Variants in MARCHF1 observed in about 807,000 individuals in gnomAD.
MARCHF1 encodes membrane associated ring-CH-type finger 1.
MARCHF1 carries 40 observed loss-of-function variants against 54.2 expected under a neutral mutation model. The observed-to-expected ratio is 0.74, with a 90% confidence interval of 0.57 to 0.96. The LOEUF (loss-of-function observed/expected upper bound fraction) is 0.96, where lower values mean the gene tolerates loss of function less well. MARCHF1 is among the 40% of genes least tolerant of loss of function. MARCHF1 has a pLI of 0.00. For synonymous variants in MARCHF1, 236 were observed against 236.3 expected (o/e 1.00, Z 0.01); for missense variants, 586 against 656.5 (o/e 0.89, Z 1.17).
At chr4:164,360,767 A>AT (rs1315938269) in intron 1 of MARCHF1, among the ~76,000 whole-genome samples, 1 of 152,176 alleles carries the variant, frequency 6.6e-6, no homozygotes, top group African/African-American at 2.4e-5. Flanking sequence ...TGCAATTGTC[A>AT]TTTTCATATA....
At chr4:164,213,560 C>T (rs913708148) in intron 1 of MARCHF1, among the ~76,000 whole-genome samples, 10 of 151,856 alleles carry the variant, frequency 6.6e-5, no homozygotes, top group East Asian at 5.8e-4. Context: ...AAAAATTCTA[C>T]GTAACACATT....
In MARCHF1 at chr4:164,059,859, T is replaced by C. The variant is rs551491627; in HGVS notation, c.-248+51729A>G. ...TTAGATTTCATCTTAATATGTTTCA[T>C]AAAGGTAGATAAAATTGAGAAAACA... On this transcript the variant is annotated intron_variant, in intron 2 of 9. Coordinates refer to ENST00000514618, the MANE Select transcript of MARCHF1 (RefSeq NM_001394959.1). Among the ~76,000 whole-genome samples, 163 of 152,268 alleles carry C rather than the reference T, an allele frequency of 1.1e-3. 1 individual carries two copies. Among genetic ancestry groups the C allele is most frequent in the Non-Finnish European group, 1.7e-3 (114 of 67,990 alleles).
chr4:164,018,756 T>A (rs1753599947), intron 2 of MARCHF1, among the ~76,000 whole-genome samples: 1 of 152,214 alleles, frequency 6.6e-6, no homozygotes, highest in Admixed American at 6.5e-5. Flanking sequence ...CTTTTATTGC[T>A]ACTTTTGCTT....
At chr4:163,806,443 C>T (rs1222272175) in intron 4 of MARCHF1, among the ~76,000 whole-genome samples, 7 of 152,138 alleles carry the variant, frequency 4.6e-5, no homozygotes, top group African/African-American at 7.2e-5. Context: ...TTGTTAATTG[C>T]GGGAATCTTA....
intron 2 of MARCHF1, among the ~76,000 whole-genome samples, chr4:164,098,185 A>G (rs758830601): frequency 4.3e-4 from 66 of 152,314 alleles, no homozygotes; most frequent in Non-Finnish European, 7.6e-4. Context: ...TCAGATTATC[A>G]TAAGATAATC....
At chr4:164,180,416 T>C (rs964677076) in intron 1 of MARCHF1, among the ~76,000 whole-genome samples, 2 of 152,182 alleles carry the variant, frequency 1.3e-5, no homozygotes, top group Admixed American at 6.5e-5. Context: ...TGCTACCTAA[T>C]AGTATTCTAG....
At chr4:164,029,705 A>G (rs1579473678) in intron 2 of MARCHF1, among the ~76,000 whole-genome samples, 1 of 151,906 alleles carries the variant, frequency 6.6e-6, no homozygotes, top group Non-Finnish European at 1.5e-5. Flanking sequence ...AGCGATTCTC[A>G]TGCCTCAGCC....
intron 5 of MARCHF1, among the ~76,000 whole-genome samples, chr4:163,616,872 A>G (rs905906284): frequency 1.8e-4 from 27 of 152,132 alleles, no homozygotes; most frequent in Non-Finnish European, 3.8e-4. Context: ...ATCTAAAAAT[A>G]TTACTACCAT....
rs1294084531 is a variant in MARCHF1 at position 164,138,286 on chromosome 4, A to G, written c.-322-26624T>C. 2.1e-4 allele frequency among the ~76,000 whole-genome samples: 32 copies of G among 151,184 alleles called. 1 individual carries two copies. Among genetic ancestry groups the G allele is most frequent in the Admixed American group, 2.1e-3 (32 of 15,158 alleles). ...TTTTTTTAATCCTGGAAAATAGAAC[A>G]CTTCTAAGCCTGCGTCAGCTTATTC... On this transcript the variant is annotated intron_variant, in intron 1 of 9. Coordinates refer to ENST00000514618, the MANE Select transcript of MARCHF1 (RefSeq NM_001394959.1).
intron 2 of MARCHF1, among the ~76,000 whole-genome samples, chr4:164,002,079 A>G (rs1180029009): frequency 6.6e-6 from 1 of 151,816 alleles, no homozygotes; most frequent in African/African-American, 2.4e-5. Flanking sequence ...CTAAAGGAAG[A>G]CATTAAAACT....
intron 2 of MARCHF1, among the ~76,000 whole-genome samples, chr4:164,045,097 T>C (rs1754213803): frequency 6.6e-6 from 1 of 151,896 alleles, no homozygotes; most frequent in Non-Finnish European, 1.5e-5. Flanking sequence ...TATGGCATAA[T>C]AACTAAAAAA....
intron 2 of MARCHF1, among the ~76,000 whole-genome samples, chr4:164,009,407 A>G (rs1313312347): frequency 6.6e-6 from 1 of 152,176 alleles, no homozygotes; most frequent in Non-Finnish European, 1.5e-5. Context: ...ACTCTTTTAC[A>G]AATTAAAGAG....
intron 2 of MARCHF1, among the ~76,000 whole-genome samples, chr4:164,032,413 T>A (rs1753897365): frequency 6.6e-6 from 1 of 152,186 alleles, no homozygotes; most frequent in Non-Finnish European, 1.5e-5. Context: ...CCAGTTATTT[T>A]AATTGGGATG....
At chr4:164,249,764 T>TAA (rs5863672) in intron 1 of MARCHF1, among the ~76,000 whole-genome samples, 1,438 of 143,628 alleles carry the variant, frequency 0.01, 20 homozygotes, top group African/African-American at 0.035. Flanking sequence ...CGGTTAGGAT[T>TAA]AAAAAAAAAA....
chr4:163,751,476 A>G (rs1746519578), intron 4 of MARCHF1, among the ~76,000 whole-genome samples: 1 of 152,150 alleles, frequency 6.6e-6, no homozygotes. Context: ...AAGTTTATAT[A>G]GAAAAAAAGA....
At chr4:163,777,134 G>A (rs566816700) in intron 4 of MARCHF1, among the ~76,000 whole-genome samples, 212 of 152,252 alleles carry the variant, frequency 1.4e-3, no homozygotes, top group East Asian at 2.7e-3. Context: ...TCTCAGAAGC[G>A]TTGGTCAATG....
At chr4:164,220,417 A>G (rs564537623) in intron 1 of MARCHF1, among the ~76,000 whole-genome samples, 2 of 146,746 alleles carry the variant, frequency 1.4e-5, no homozygotes, top group South Asian at 2.1e-4. Context: ...TTATATATAT[A>G]TGTATAAAAT....
At chr4:164,027,307 G>A (rs1228508278) in intron 2 of MARCHF1, among the ~76,000 whole-genome samples, 1 of 132,706 alleles carries the variant, frequency 7.5e-6, no homozygotes, top group Non-Finnish European at 1.6e-5. Context: ...AACAAAGCTG[G>A]AGGCATCACA....
intron 1 of MARCHF1, among the ~76,000 whole-genome samples, chr4:164,221,290 A>C (rs1051005016): frequency 1.2e-4 from 19 of 152,048 alleles, no homozygotes; most frequent in Admixed American, 1.1e-3. Flanking sequence ...CAGTGTTCAA[A>C]ACATTAGGGA....
Sources: gnomAD v4.1 joint callset for allele counts (sites outside exome capture counted in the v4.1 genomes callset) on GRCh38, gnomAD v4.1.1 for gene constraint, MANE v1.5 for transcripts, NCBI Gene and HGNC (gene_info 2026-07-23, HGNC 2026-07-21) for gene names.